MALRD1: variants seen among roughly 807,000 people sequenced by gnomAD.
The protein encoded by MALRD1 is MAM and LDL-receptor class A domain-containing protein 1.
MALRD1 carries 247 observed loss-of-function variants against 242.1 expected under a neutral mutation model. The ratio of observed to expected loss-of-function variants is 1.02; its 90% confidence interval spans 0.92 to 1.13. The LOEUF is 1.13. MALRD1 is among the 50% of genes most tolerant of loss of function. The pLI is 0.00. For missense variants in MALRD1, 2,989 were observed against 2,533.1 expected (o/e 1.18, Z -3.86); for synonymous variants, 995 against 866.6 (o/e 1.15, Z -2.60).
intron 32 of MALRD1, among the ~76,000 whole-genome samples, chr10:19,566,298 A>ATTTTTTTTTTT (rs10548629): frequency 1.8e-3 from 199 of 111,026 alleles, no homozygotes; most frequent in Non-Finnish European, 2.4e-3. Flanking sequence ...TGCCTGGCTA[A>ATTTTTTTTTTT]TTTTTTTTTT....
intron 28 of MALRD1, among the ~76,000 whole-genome samples, chr10:19,430,009 C>T (rs759507122): frequency 6.6e-6 from 1 of 151,788 alleles, no homozygotes; most frequent in African/African-American, 2.4e-5. Context: ...TTCTCAACAT[C>T]TCAGACTATT....
intron 29 of MALRD1, among the ~76,000 whole-genome samples, chr10:19,489,717 A>T (rs1444593911): frequency 6.6e-6 from 1 of 152,208 alleles, no homozygotes; most frequent in African/African-American, 2.4e-5. Context: ...ATATCCTATA[A>T]TACAAAGCAT....
intron 5 of MALRD1, among the ~76,000 whole-genome samples, chr10:19,107,536 A>T (rs986474631): frequency 1.4e-5 from 2 of 146,964 alleles, no homozygotes; most frequent in Admixed American, 6.8e-5. Flanking sequence ...AGGTGATGTG[A>T]GTCTCTTCTA....
chr10:19,282,331 G>C (rs1046933818), intron 20 of MALRD1, among the ~76,000 whole-genome samples: 1 of 152,064 alleles, frequency 6.6e-6, no homozygotes, highest in Non-Finnish European at 1.5e-5. Context: ...GGTCATAGTG[G>C]TATGCTGCCA....
chr10:19,367,563 C>T (rs934881956), intron 26 of MALRD1, among the ~76,000 whole-genome samples: 1 of 152,094 alleles, frequency 6.6e-6, no homozygotes, highest in Non-Finnish European at 1.5e-5. Flanking sequence ...GTGAATAGTG[C>T]TGCAGTAGAC....
chr10:19,243,761 G>T (rs1184393074), intron 18 of MALRD1, among the ~76,000 whole-genome samples: 3 of 152,086 alleles, frequency 2.0e-5, no homozygotes, highest in African/African-American at 7.2e-5. Context: ...TGGTCACCTA[G>T]ATTTAGAAAT....
intron 32 of MALRD1, among the ~76,000 whole-genome samples, chr10:19,538,433 T>C (rs916030477): frequency 3.9e-5 from 6 of 152,210 alleles, no homozygotes; most frequent in Non-Finnish European, 8.8e-5. Context: ...TTTCTTTCTG[T>C]CTTTCAGTTA....
intron 26 of MALRD1, among the ~76,000 whole-genome samples, chr10:19,377,371 T>G (rs1268569068): frequency 2.0e-5 from 3 of 152,154 alleles, no homozygotes; most frequent in Non-Finnish European, 4.4e-5. Context: ...AAAATACATT[T>G]CATGCCCTTA....
chr10:19,236,609 C>G (rs192582073), intron 18 of MALRD1, among the ~76,000 whole-genome samples: 4 of 152,174 alleles, frequency 2.6e-5, no homozygotes, highest in Admixed American at 6.6e-5. Flanking sequence ...TGCCAACTTT[C>G]TATATTTTGC....
chr10:19,407,548 C>T (rs1198857851), intron 28 of MALRD1, among the ~76,000 whole-genome samples: 1 of 151,616 alleles, frequency 6.6e-6, no homozygotes, highest in Admixed American at 6.6e-5. Flanking sequence ...GACAAATTGA[C>T]AAAAGACATA....
intron 33 of MALRD1, among the ~76,000 whole-genome samples, chr10:19,571,897 G>A (rs1487591810): frequency 1.3e-5 from 2 of 152,138 alleles, no homozygotes; most frequent in East Asian, 3.9e-4. Flanking sequence ...GAACCTGCCA[G>A]CTTTCTGCTC....
At chr10:19,221,626 A>G (rs1369618729) in intron 18 of MALRD1, among the ~76,000 whole-genome samples, 2 of 152,164 alleles carry the variant, frequency 1.3e-5, no homozygotes, top group African/African-American at 4.8e-5. Context: ...GGTCAAGCAG[A>G]CCTCATTAAA....
chr10:19,442,090 A>G (rs983299999), intron 28 of MALRD1, among the ~76,000 whole-genome samples: 94 of 152,114 alleles, frequency 6.2e-4, no homozygotes, highest in Non-Finnish European at 1.1e-3. Context: ...ATTCTCTTTG[A>G]AGCAATTGTG....
At chr10:19,518,168 G>T (rs1833722345) in intron 31 of MALRD1, among the ~76,000 whole-genome samples, 1 of 152,150 alleles carries the variant, frequency 6.6e-6, no homozygotes, top group African/African-American at 2.4e-5. Flanking sequence ...AAGCTCTGTT[G>T]TTTGTTATAC....
rs56865342 is a variant in MALRD1 at position 19,638,101 on chromosome 10, C to CAAAAAAAAAA, written c.6137+22196_6137+22205dup. 3.8e-4 allele frequency among the ~76,000 whole-genome samples: 16 copies of CAAAAAAAAAA among 41,912 alleles called. 1 individual carries two copies. Among genetic ancestry groups the CAAAAAAAAAA allele is most frequent in the Non-Finnish European group, 7.4e-4 (14 of 18,892 alleles). The allele number at this position is 41,912 out of a possible 152,430, so 27.5% of individuals were successfully genotyped here. A position where few individuals can be genotyped will look rare whatever the true frequency, so the allele number is the denominator to read the frequency against. Reference sequence around the variant, plus strand: ...GGGCAACAAGAGAGAAACTCACTCTCAAAAAAAAAAAAAAAAAAAAAAAAA... The same window carrying CAAAAAAAAAA: ...GGGCAACAAGAGAGAAACTCACTCTCAAAAAAAAAAAAAAAAAAAAAAAAAAAAAAAAAAA... On this transcript the variant is annotated intron_variant, in intron 36 of 39. Coordinates refer to ENST00000454679, the MANE Select transcript of MALRD1 (RefSeq NM_001142308.3).
intron 36 of MALRD1, among the ~76,000 whole-genome samples, chr10:19,640,839 A>G (rs1840352787): frequency 6.6e-6 from 1 of 152,228 alleles, no homozygotes; most frequent in Non-Finnish European, 1.5e-5. Context: ...ATGATATAGT[A>G]AGTTCTTGTT....
At chr10:19,435,518 G>C (rs1834319044) in intron 28 of MALRD1, among the ~76,000 whole-genome samples, 1 of 152,088 alleles carries the variant, frequency 6.6e-6, no homozygotes, top group Non-Finnish European at 1.5e-5. Context: ...AAGGCATACT[G>C]ATCAGGTATT....
chr10:19,715,864 G>A (rs2478748), intron 38 of MALRD1, among the ~76,000 whole-genome samples: 81,019 of 151,916 alleles, frequency 0.53, 21,763 homozygotes, highest in South Asian at 0.62. Context: ...ACCTCTCATG[G>A]ATTCCTAGAG....
intron 32 of MALRD1, among the ~76,000 whole-genome samples, chr10:19,542,837 T>A (rs1487949625): frequency 6.6e-6 from 1 of 152,182 alleles, no homozygotes; most frequent in Non-Finnish European, 1.5e-5. Flanking sequence ...AGTGTCTATT[T>A]GTCTTTTTGT....
Sources: gnomAD v4.1 joint callset for allele counts (sites outside exome capture counted in the v4.1 genomes callset) on GRCh38, gnomAD v4.1.1 for gene constraint, MANE v1.5 for transcripts, NCBI Gene and HGNC (gene_info 2026-07-23, HGNC 2026-07-21) for gene names.